Variants in CNOT6 observed in about 807,000 individuals in gnomAD.
CNOT6 encodes the protein CCR4-NOT transcription complex subunit 6.
Under a neutral mutation model 61.2 loss-of-function variants are expected in CNOT6, and 12 were observed. That is an observed-to-expected ratio of 0.20 (90% CI 0.13 to 0.32). The LOEUF is 0.32. Among genes scored for constraint, CNOT6 ranks in the 10% least tolerant of loss-of-function variants. The pLI is 1.00. For synonymous variants in CNOT6, 225 were observed against 240.6 expected (o/e 0.94, Z 0.60); for missense variants, 405 against 663.9 (o/e 0.61, Z 4.28).
intron 2 of CNOT6, among the ~76,000 whole-genome samples, chr5:180,549,246 T>G (rs1475308307): frequency 6.6e-6 from 1 of 152,210 alleles, no homozygotes; most frequent in Non-Finnish European, 1.5e-5. Context: ...TCTGAGATAG[T>G]AGAATTTGTG....
At chr5:180,561,557 G>A (rs139807719) in intron 4 of CNOT6, among the ~76,000 whole-genome samples, 31 of 151,996 alleles carry the variant, frequency 2.0e-4, no homozygotes, top group African/African-American at 7.5e-4. Context: ...ATTTGAAACT[G>A]GACTCACTCA....
At chr5:180,542,414 G>A (rs1203813924) in intron 2 of CNOT6, among the ~76,000 whole-genome samples, 3 of 151,858 alleles carry the variant, frequency 2.0e-5, no homozygotes, top group South Asian at 2.1e-4. Flanking sequence ...ACAGGCCCGC[G>A]CCACCACACC....
chr5:180,517,381 A>G (rs892273976), intron 1 of CNOT6, among the ~76,000 whole-genome samples: 6 of 151,984 alleles, frequency 3.9e-5, no homozygotes, highest in African/African-American at 1.2e-4. Flanking sequence ...TGCTCACCTC[A>G]GCCTCCTGCA....
chr5:180,536,588 G>A (rs1014350717), intron 2 of CNOT6, among the ~76,000 whole-genome samples: 10 of 151,924 alleles, frequency 6.6e-5, no homozygotes, highest in Non-Finnish European at 2.9e-5. Flanking sequence ...GACTACAGGT[G>A]CACACAACCA....
chr5:180,515,154 AC>A (rs1757574926), intron 1 of CNOT6, among the ~76,000 whole-genome samples: 1 of 152,070 alleles, frequency 6.6e-6, no homozygotes, highest in Non-Finnish European at 1.5e-5. Flanking sequence ...GCAGTGGCTC[AC>A]GTCTGTAAAC....
At chr5:180,502,222 G>A (rs990624874) in intron 1 of CNOT6, among the ~76,000 whole-genome samples, 1 of 152,056 alleles carries the variant, frequency 6.6e-6, no homozygotes, top group Admixed American at 6.6e-5. Flanking sequence ...TGAAATTATT[G>A]CATTTTTATT....
At chr5:180,571,521 G>GT (rs1760748570) in intron 11 of CNOT6, 89 bp downstream of exon 11, 1 of 942,916 alleles carries the variant, frequency 1.1e-6, no homozygotes, top group Admixed American at 2.0e-5. Context: ...CTGTGGCTGT[G>GT]TGTTCAGGCT....
chr5:180,538,704 A>G (rs1581522820), intron 2 of CNOT6, among the ~76,000 whole-genome samples: 1 of 139,026 alleles, frequency 7.2e-6, no homozygotes, highest in African/African-American at 3.1e-5. Context: ...ATATATATAT[A>G]TATATATATA....
At chr5:180,515,988 G>T (rs1440769196) in intron 1 of CNOT6, among the ~76,000 whole-genome samples, 1 of 151,996 alleles carries the variant, frequency 6.6e-6, no homozygotes, top group Non-Finnish European at 1.5e-5. Flanking sequence ...TCATCTCACT[G>T]CAACTTCCAC....
rs1385900010 is a variant in CNOT6 at position 180,571,449 on chromosome 5, A to G, written c.1461+17A>G. 4 of 1,600,500 alleles carry G rather than the reference A, an allele frequency of 2.5e-6. No individual in the cohort carries two copies. The highest frequency in any genetic ancestry group is 4.5e-5 in the East Asian group (2 of 44,798). Reference sequence around the variant, plus strand: ...GATTTCAAGGTGTGTCTTGAGACTGATAAGCTTTTCAAACCTGTCTTTTAC... The same window carrying G: ...GATTTCAAGGTGTGTCTTGAGACTGGTAAGCTTTTCAAACCTGTCTTTTAC... On this transcript the variant is annotated intron_variant, in intron 11 of 11. Coordinates refer to ENST00000261951, the MANE Select transcript of CNOT6 (RefSeq NM_001370472.1).
At chr5:180,504,728 T>C (rs1757043188) in intron 1 of CNOT6, among the ~76,000 whole-genome samples, 1 of 152,178 alleles carries the variant, frequency 6.6e-6, no homozygotes, top group African/African-American at 2.4e-5. Context: ...CTTACATTAG[T>C]GGGCAGACTT....
chr5:180,517,048 T>C (rs1223360514), intron 1 of CNOT6, among the ~76,000 whole-genome samples: 3 of 152,258 alleles, frequency 2.0e-5, no homozygotes, highest in Non-Finnish European at 2.9e-5. Flanking sequence ...TTCTACCTTA[T>C]GATCAGAAAG....
At chr5:180,508,346 C>G (rs922450859) in intron 1 of CNOT6, among the ~76,000 whole-genome samples, 1 of 152,166 alleles carries the variant, frequency 6.6e-6, no homozygotes, top group African/African-American at 2.4e-5. Flanking sequence ...GAGTCTCGCT[C>G]TCTCACCCAG....
At chr5:180,531,087 T>G (rs1266534989) in intron 2 of CNOT6, among the ~76,000 whole-genome samples, 5 of 151,916 alleles carry the variant, frequency 3.3e-5, no homozygotes, top group African/African-American at 1.2e-4. Flanking sequence ...TGGGTACACC[T>G]CCCAGATGGG....
intron 1 of CNOT6, among the ~76,000 whole-genome samples, chr5:180,513,019 C>CCGAGTAG (rs1312811092): frequency 2.0e-5 from 3 of 152,108 alleles, no homozygotes; most frequent in Admixed American, 6.6e-5. Flanking sequence ...TCTCAGCCTC[C>CCGAGTAG]CGAGTAGCTG....
At chr5:180,505,565 T>TTTTTTA (rs70973920) in intron 1 of CNOT6, among the ~76,000 whole-genome samples, 1 of 143,214 alleles carries the variant, frequency 7.0e-6, no homozygotes, top group Non-Finnish European at 1.5e-5. Flanking sequence ...TTTTTTTTTT[T>TTTTTTA]GAGACGGAGT....
chr5:180,558,404 G>A (rs1399284082), intron 4 of CNOT6, among the ~76,000 whole-genome samples: 5 of 152,054 alleles, frequency 3.3e-5, no homozygotes, highest in Admixed American at 2.0e-4. Context: ...AGGGCTGGCC[G>A]GACTGGGCCC....
rs1761057192 is a variant in CNOT6 at position 180,577,368 on chromosome 5, T to A, written c.*3168T>A. On this transcript the variant is annotated 3_prime_UTR_variant, in exon 12 of 12. Coordinates refer to ENST00000261951, the MANE Select transcript of CNOT6 (RefSeq NM_001370472.1). ...TAATATTCAAGTTTTAGAGTTTCACTTTGTACTATTTAAATTTATGGAACT... is the reference window on the plus strand; with the variant it reads ...TAATATTCAAGTTTTAGAGTTTCACATTGTACTATTTAAATTTATGGAACT... 6.6e-6 allele frequency: 1 copy of A among 152,622 alleles called. No homozygotes were observed. The highest frequency in any genetic ancestry group is 6.5e-5 in the Admixed American group (1 of 15,276). The allele number at this position is 152,622 out of a possible 1,614,324, so 9.5% of individuals were successfully genotyped here.
chr5:180,539,992 A>G (rs756298158), intron 2 of CNOT6, among the ~76,000 whole-genome samples: 1 of 152,164 alleles, frequency 6.6e-6, no homozygotes, highest in African/African-American at 2.4e-5. Context: ...CAGAGTGTTC[A>G]CAACTGTGGG....
Sources: allele counts gnomAD v4.1 joint callset (sites outside exome capture counted in the v4.1 genomes callset), GRCh38; gene constraint gnomAD v4.1.1; transcripts MANE v1.5; gene names NCBI Gene and HGNC (gene_info 2026-07-23, HGNC 2026-07-21).